The following PAPPA2 variants were observed in gnomAD, a reference collection of about 807,000 sequenced individuals.
PAPPA2 encodes the protein pappalysin-2.
PAPPA2 carries 86 observed loss-of-function variants against 176.4 expected under a neutral mutation model. That is an observed-to-expected ratio of 0.49 (90% confidence interval 0.41 to 0.58). The LOEUF is 0.58. Ranked by LOEUF, PAPPA2 falls within the 20% of genes least tolerant of loss-of-function variation. The pLI, the probability that PAPPA2 is intolerant of heterozygous loss-of-function variation, is 0.00. For missense variants in PAPPA2, 2,073 were observed against 2,256.9 expected, an observed-to-expected ratio of 0.92 and a Z score of 1.65; for synonymous variants, 809 against 852.2, an observed-to-expected ratio of 0.95 and a Z score of 0.88.
At chr1:176,539,489 C>G (rs1164718038) in intron 1 of PAPPA2, among the ~76,000 whole-genome samples, 2 of 152,162 alleles carry the variant, frequency 1.3e-5, no homozygotes, top group African/African-American at 4.8e-5. Flanking sequence ...GTTCTAGGCC[C>G]TAGGGACATA....
At chr1:176,625,736 C>T (rs372504665) in intron 3 of PAPPA2, among the ~76,000 whole-genome samples, 30 of 152,232 alleles carry the variant, frequency 2.0e-4, no homozygotes, top group African/African-American at 3.9e-4. Context: ...AGAGTATATA[C>T]GACATACTTG....
intron 16 of PAPPA2, among the ~76,000 whole-genome samples, chr1:176,770,610 A>G (rs1051389512): frequency 6.6e-6 from 1 of 152,230 alleles, no homozygotes; most frequent in Non-Finnish European, 1.5e-5. Flanking sequence ...TATAATAAGC[A>G]CTATAAAAGT....
At chr1:176,507,637 C>T (rs1648353358) in intron 1 of PAPPA2, among the ~76,000 whole-genome samples, 2 of 152,234 alleles carry the variant, frequency 1.3e-5, no homozygotes, top group Non-Finnish European at 2.9e-5. Context: ...TTTGCAGCAA[C>T]ATGGATGGAG....
intron 8 of PAPPA2, among the ~76,000 whole-genome samples, chr1:176,701,251 T>C (rs1226380526): frequency 6.6e-6 from 1 of 152,186 alleles, no homozygotes; most frequent in East Asian, 1.9e-4. Flanking sequence ...ACTCAGATCC[T>C]GGAGGGCTTG....
At chr1:176,838,117 T>C (rs1667345359) in intron 21 of PAPPA2, among the ~76,000 whole-genome samples, 1 of 152,186 alleles carries the variant, frequency 6.6e-6, no homozygotes, top group African/African-American at 2.4e-5. Context: ...TCCCAGGCTA[T>C]AGCAAAGGAA....
intron 2 of PAPPA2, among the ~76,000 whole-genome samples, chr1:176,590,219 C>T (rs1653575788): frequency 6.6e-6 from 1 of 152,180 alleles, no homozygotes; most frequent in Non-Finnish European, 1.5e-5. Context: ...AAAGGAGACA[C>T]TTGGCAGCTT....
intron 4 of PAPPA2, among the ~76,000 whole-genome samples, chr1:176,681,615 C>T (rs1421322979): frequency 6.6e-6 from 1 of 152,132 alleles, no homozygotes; most frequent in Non-Finnish European, 1.5e-5. Flanking sequence ...TAAATATGAG[C>T]TTTTGTACCA....
chr1:176,544,587 G>A (rs1002647459), intron 1 of PAPPA2, among the ~76,000 whole-genome samples: 2 of 152,076 alleles, frequency 1.3e-5, no homozygotes, highest in South Asian at 2.1e-4. Flanking sequence ...TTCACACCAA[G>A]CAATTCTTCA....
At chr1:176,517,728 C>G (rs76171845) in intron 1 of PAPPA2, among the ~76,000 whole-genome samples, 2 of 152,122 alleles carry the variant, frequency 1.3e-5, no homozygotes, top group Non-Finnish European at 2.9e-5. Flanking sequence ...TTTGGAATCA[C>G]TCACCACCGG....
chr1:176,745,609 T>G (rs1662869690), intron 14 of PAPPA2, among the ~76,000 whole-genome samples: 1 of 152,186 alleles, frequency 6.6e-6, no homozygotes, highest in African/African-American at 2.4e-5. Flanking sequence ...AATTAACTAC[T>G]AAAGGGCAGG....
intron 21 of PAPPA2, among the ~76,000 whole-genome samples, chr1:176,815,394 G>A (rs1188430399): frequency 6.6e-6 from 1 of 152,118 alleles, no homozygotes; most frequent in Admixed American, 6.6e-5. Context: ...TTATTTGGAA[G>A]ACTAGCAGTT....
At chr1:176,806,883 C>T (rs923802913) in intron 21 of PAPPA2, among the ~76,000 whole-genome samples, 2 of 152,164 alleles carry the variant, frequency 1.3e-5, no homozygotes, top group Admixed American at 6.5e-5. Context: ...TATAGGGCCT[C>T]TTTTCAGATT....
At chr1:176,692,104 G>A in intron 5 of PAPPA2, 22 bp from the exon 6 acceptor site, 1 of 1,591,906 alleles carries the variant, frequency 6.3e-7, no homozygotes, top group Non-Finnish European at 8.6e-7. Context: ...CATCTCTTGT[G>A]CCACCTTTTT....
At chr1:176,797,007 A>T (rs1665472540) in intron 20 of PAPPA2, among the ~76,000 whole-genome samples, 1 of 152,144 alleles carries the variant, frequency 6.6e-6, no homozygotes, top group South Asian at 2.1e-4. Context: ...TTTTCTCTTA[A>T]ACTTTTTTTA....
Position 176,553,183 on chromosome 1 carries a change from G to T in PAPPA2, c.-916-2224G>T, listed in dbSNP as rs183724202. 2.0e-5 allele frequency among the ~76,000 whole-genome samples: 3 copies of T among 149,278 alleles called. No individual in the cohort carries two copies. The East Asian group carries it at 6.1e-4, about 30-fold the overall frequency. Reference sequence around the variant, plus strand: ...TTATTTGAATCCAGCCCACCTTTCCGCACATGTCAAACAGATGGGATCATT... The same window carrying T: ...TTATTTGAATCCAGCCCACCTTTCCTCACATGTCAAACAGATGGGATCATT... On this transcript the variant is annotated intron_variant, in intron 1 of 22. Coordinates refer to ENST00000367662, the MANE Select transcript of PAPPA2 (RefSeq NM_020318.3).
chr1:176,834,822 T>C (rs1384435668), intron 21 of PAPPA2, among the ~76,000 whole-genome samples: 1 of 152,130 alleles, frequency 6.6e-6, no homozygotes, highest in Non-Finnish European at 1.5e-5. Flanking sequence ...ATACAAAAAA[T>C]TAGCCAGTTG....
At chr1:176,749,948 G>C (rs1663091983) in intron 14 of PAPPA2, among the ~76,000 whole-genome samples, 2 of 152,066 alleles carry the variant, frequency 1.3e-5, no homozygotes, top group Non-Finnish European at 2.9e-5. Context: ...CCACATGCAG[G>C]CTTTTCTATA....
At chr1:176,694,290 A>G (rs1009352028) in intron 6 of PAPPA2, among the ~76,000 whole-genome samples, 16 of 152,208 alleles carry the variant, frequency 1.1e-4, no homozygotes, top group Non-Finnish European at 2.4e-4. Context: ...TACACCTTTT[A>G]GTTTCCAAAG....
intron 2 of PAPPA2, among the ~76,000 whole-genome samples, chr1:176,565,746 A>T (rs1293434442): frequency 1.3e-5 from 2 of 152,162 alleles, no homozygotes; most frequent in Non-Finnish European, 2.9e-5. Context: ...TGGTTTGGCC[A>T]CTGTTAGCAT....
Sources: allele counts gnomAD v4.1 joint callset (sites outside exome capture counted in the v4.1 genomes callset), GRCh38; gene constraint gnomAD v4.1.1; transcripts MANE v1.5; gene names NCBI Gene and HGNC (gene_info 2026-07-23, HGNC 2026-07-21).